Variants in DST observed in about 807,000 individuals in gnomAD.
DST encodes the protein bullous pemphigoid antigen.
In DST, 253 loss-of-function variants were observed where a neutral mutation model predicts 875.2. That is an observed-to-expected ratio of 0.29 (90% CI 0.26 to 0.32). The LOEUF is 0.32. DST is among the 10% of genes least tolerant of loss of function. DST has a pLI of 1.00. For synonymous variants in DST, 3,124 were observed against 3,197.1 expected, an observed-to-expected ratio of 0.98 and a Z score of 0.77; for missense variants, 8,287 against 9,111.6, an observed-to-expected ratio of 0.91 and a Z score of 3.68.
chr6:56,614,990 G>A (rs2098598486), intron 36 of DST: 8 of 994,166 alleles, frequency 8.0e-6, no homozygotes, highest in Non-Finnish European at 9.6e-6. Flanking sequence ...GGACATTGTG[G>A]TAAACATTTT....
intron 4 of DST, among the ~76,000 whole-genome samples, chr6:56,847,025 A>AT (rs71548133): frequency 6.6e-6 from 1 of 150,452 alleles, no homozygotes; most frequent in Non-Finnish European, 1.5e-5. Flanking sequence ...AAAAAAAAAA[A>AT]AGTGAAGTTG....
intron 2 of DST, among the ~76,000 whole-genome samples, chr6:56,904,826 T>C (rs1035485773): frequency 2.0e-5 from 3 of 152,238 alleles, no homozygotes; most frequent in African/African-American, 7.2e-5. Context: ...AGTCTAGCTC[T>C]GTCGCTAGGC....
intron 69 of DST, among the ~76,000 whole-genome samples, chr6:56,523,116 T>C (rs2096737377): frequency 6.6e-6 from 1 of 152,128 alleles, no homozygotes; most frequent in Non-Finnish European, 1.5e-5. Context: ...CTAAAAGTAA[T>C]GAATGGGCCC....
At chr6:56,938,982 G>C (rs996809329) in intron 2 of DST, among the ~76,000 whole-genome samples, 2 of 152,266 alleles carry the variant, frequency 1.3e-5, no homozygotes, top group Non-Finnish European at 2.9e-5. Flanking sequence ...AATGATTAAT[G>C]TCTAAGTTAC....
At position 56,650,919 on chromosome 6, in the gene DST, T is replaced by A; in HGVS notation, c.1434+7A>T. 1 of 1,571,230 alleles carries A rather than the reference T, an allele frequency of 6.4e-7. No homozygotes were observed. Among genetic ancestry groups the A allele is most frequent in the Non-Finnish European group, 8.7e-7 (1 of 1,144,716 alleles). ...ACAGCTTCCGGTGTGGAAAAATCAA[T>A]ACTCACATTTGCACCAATGCCTTCC... On this transcript the variant is annotated splice_region_variant and intron_variant, in intron 12 of 103. Transcript: ENST00000680361.
chr6:56,861,354 A>C (rs191716879), intron 3 of DST, among the ~76,000 whole-genome samples: 5 of 152,308 alleles, frequency 3.3e-5, no homozygotes, highest in Admixed American at 2.0e-4. Context: ...CCCAATCGGA[A>C]CCAGGGATCA....
At position 56,536,868 on chromosome 6, in the gene DST, T is replaced by A; in HGVS notation, c.16681A>T (p.Ile5561Phe). ...CTAGTGCTTTTGGCAGCACTCTGAA[T>A]AAGGCCTTGACCTAACCAGTTTACA... Reference protein sequence around the residue: ...QDVNWLGQGLIQSAAKSTSTQ... With the variant: ...QDVNWLGQGLFQSAAKSTSTQ... Residue 5561 changes from isoleucine (I) to phenylalanine (F), a missense_variant, in exon 62 of 104, where the codon ATT becomes TTT. Ile to Phe is a conservative substitution (Grantham distance 21). Around this residue, in one of 10 missense-constraint regions of DST, gnomAD observed 777 missense variants for 764.8 expected, o/e 1.02. Transcript: ENST00000680361. 6.2e-7 allele frequency: 1 copy of A among 1,613,832 alleles called. No individual in the cohort carries two copies. Among genetic ancestry groups the A allele is most frequent in the Non-Finnish European group, 8.5e-7 (1 of 1,179,776 alleles).
rs201556160 is a variant in DST at position 56,520,206 on chromosome 6, GAAT to G, written c.18130-2589_18130-2587del. ...AATAGAAATGGAAATTACCCAAACT[GAAT>G]AATAGAAAATAACTTAAAAAATAAT... is the stretch of plus-strand genomic sequence containing the variant. On this transcript the variant is annotated intron_variant, in intron 69 of 103. Coordinates refer to ENST00000680361, the MANE Select transcript of DST (RefSeq NM_001374736.1). Among the ~76,000 whole-genome samples the G allele has an allele frequency of 6.7e-3, 1,019 of 152,164 alleles. 10 individuals are homozygous for G. Among genetic ancestry groups the G allele is most frequent in the African/African-American group, 0.023 (964 of 41,518 alleles).
At chr6:56,873,116 A>G (rs1018514854) in intron 3 of DST, among the ~76,000 whole-genome samples, 3 of 152,102 alleles carry the variant, frequency 2.0e-5, no homozygotes, top group African/African-American at 7.2e-5. Context: ...ATCTTTTCAT[A>G]TACCTGTTCG....
intron 2 of DST, among the ~76,000 whole-genome samples, chr6:56,943,947 T>C (rs1415906363): frequency 1.3e-5 from 2 of 151,904 alleles, no homozygotes; most frequent in African/African-American, 2.4e-5. Context: ...TGAAATCTTG[T>C]CTCTACTAAA....
intron 55 of DST, 139 bp downstream of exon 55, chr6:56,568,330 C>T: frequency 1.2e-6 from 1 of 854,926 alleles, no homozygotes; most frequent in South Asian, 1.9e-5. Flanking sequence ...AGTGTGCTTA[C>T]AGATGCCATG....
intron 47 of DST, among the ~76,000 whole-genome samples, chr6:56,595,361 C>G (rs1170919418): frequency 6.6e-6 from 1 of 152,090 alleles, no homozygotes; most frequent in Non-Finnish European, 1.5e-5. Context: ...TCCCCCACCC[C>G]ACACTCAACC....
chr6:56,462,275 C>G (rs924250794), intron 102 of DST, among the ~76,000 whole-genome samples: 3 of 152,130 alleles, frequency 2.0e-5, no homozygotes, highest in Non-Finnish European at 4.4e-5. Flanking sequence ...AAAAGATATA[C>G]AGCTGATTTT....
At position 56,611,499 on chromosome 6, in the gene DST, C is replaced by G; in HGVS notation, c.5147+9G>C. Reference sequence around the variant, plus strand: ...CTTAAAATAAAAGAGCTAACTACAACCAACATACTTGTCTCCATGTTTTGC... The same window carrying G: ...CTTAAAATAAAAGAGCTAACTACAAGCAACATACTTGTCTCCATGTTTTGC... On this transcript the variant is annotated intron_variant, in intron 38 of 103. Transcript: ENST00000680361. 6.3e-7 allele frequency: 1 copy of G among 1,596,138 alleles called. No individual in the cohort carries two copies. The highest frequency in any genetic ancestry group is 8.6e-7 in the Non-Finnish European group (1 of 1,164,800).
intron 4 of DST, among the ~76,000 whole-genome samples, chr6:56,782,397 C>T (rs1299328789): frequency 6.6e-6 from 1 of 152,182 alleles, no homozygotes; most frequent in African/African-American, 2.4e-5. Flanking sequence ...GCCACAATTT[C>T]AGAGCCTGTT....
rs141523352 is a variant in DST, at chr6:56,839,412, G to C, written c.625+11985C>G. ...AATTCAACCTGTTTCACTTTTAAAA[G>C]AAAACAAAAATCCCAGACTTATACT... On this transcript the variant is annotated intron_variant, in intron 4 of 103. Coordinates refer to ENST00000680361, the MANE Select transcript of DST (RefSeq NM_001374736.1). 3.8e-3 allele frequency among the ~76,000 whole-genome samples: 575 copies of C among 152,216 alleles called. 2 individuals are homozygous for C. The highest frequency in any genetic ancestry group is 0.031 in the Middle Eastern group (9 of 294).
rs528996280 is a variant in DST, at chr6:56,720,828, C to T, written c.687+14400G>A. Among the ~76,000 whole-genome samples the T allele has an allele frequency of 7.2e-5, 11 of 152,178 alleles. 1 individual carries two copies. In the East Asian group the frequency reaches 9.6e-4, roughly 13 times the overall value. ...TTCCCCCTTTTCTATTGGACAAAAC[C>T]GCCATCGTCATCATGGCCCGTTCTC... is the stretch of plus-strand genomic sequence containing the variant. On this transcript the variant is annotated intron_variant, in intron 5 of 103. Coordinates refer to ENST00000680361, the MANE Select transcript of DST (RefSeq NM_001374736.1).
At chr6:56,807,474 CACAT>C (rs1159349071) in intron 4 of DST, among the ~76,000 whole-genome samples, 1 of 152,164 alleles carries the variant, frequency 6.6e-6, no homozygotes, top group Non-Finnish European at 1.5e-5. Context: ...AACTGGGACT[CACAT>C]TACCTGATTG....
At chr6:56,639,821 T>C in intron 19 of DST, 48 bp from the exon 20 acceptor site, 3 of 1,594,454 alleles carry the variant, frequency 1.9e-6, no homozygotes, top group Non-Finnish European at 2.6e-6. Context: ...TCTGAAGGAA[T>C]TCTGACTCAC....
Sources: gnomAD v4.1 joint callset for allele counts (sites outside exome capture counted in the v4.1 genomes callset) on GRCh38, gnomAD v4.1.1 for gene constraint, gnomAD v4.1.1 regional missense constraint, MANE v1.5 for transcripts, NCBI Gene and HGNC (gene_info 2026-07-23, HGNC 2026-07-21) for gene names.